MICAL3: variants seen among roughly 807,000 people sequenced by gnomAD.
MICAL3 encodes microtubule associated monooxygenase, calponin and LIM domain containing 3.
A neutral mutation model predicts 207.4 loss-of-function variants in MICAL3; 62 were observed. That is an observed-to-expected ratio of 0.30 (90% CI 0.24 to 0.37). The LOEUF (loss-of-function observed/expected upper bound fraction) is 0.37. MICAL3 is among the 10% of genes least tolerant of loss of function. The pLI, the probability that MICAL3 is intolerant of heterozygous loss-of-function variation, is 1.00. For missense variants in MICAL3, 2,368 were observed against 2,635.6 expected (o/e 0.90, Z 2.22); for synonymous variants, 1,077 against 1,069.3 (o/e 1.01, Z -0.14).
intron 19 of MICAL3, chr22:17,863,794 C>T: frequency 1.0e-6 from 1 of 985,482 alleles, no homozygotes; most frequent in South Asian, 4.7e-5. Flanking sequence ...CTGGGAACCT[C>T]TCGTTGAAGG....
intron 1 of MICAL3, among the ~76,000 whole-genome samples, chr22:17,969,325 C>A (rs8138431): frequency 0.063 from 9,530 of 152,320 alleles, 451 homozygotes; most frequent in African/African-American, 0.13. Flanking sequence ...AGGCATGAGC[C>A]ACTGCACCCG....
chr22:17,818,371 C>T lies in MICAL3; in HGVS notation c.4290G>A (p.Leu1430=), dbSNP rs188865561. 389 of 1,604,414 alleles carry T rather than the reference C, an allele frequency of 2.4e-4. No individual in the cohort carries two copies. In the African/African-American group the frequency reaches 4.7e-3, roughly 20 times the overall value. ...RELSSSSGLG[L]HGSSSNMKTL... ...TCTTCATGTTGGAGGAGCTCCCGTG[C>T]AGGCCCAGGCCAGAGCTGCTGGACA... Residue 1430 remains leucine, a synonymous_variant, in exon 26 of 32, where the codon CTG becomes CTA. Coordinates refer to ENST00000441493, the MANE Select transcript of MICAL3 (RefSeq NM_015241.3).
rs2061800906 is a variant in MICAL3 at position 17,788,068 on chromosome 22, C to G, written c.*2664G>C. On this transcript the variant is annotated 3_prime_UTR_variant, in exon 32 of 32. Transcript: ENST00000441493. ...CCTGCCTTCAAGGGAAGACTTAACT[C>G]TCCGAGAGAAAACCTGCCTGGAGCT... 1 of 152,396 alleles carries G rather than the reference C, an allele frequency of 6.6e-6. No homozygotes were observed. Among genetic ancestry groups the G allele is most frequent in the Admixed American group, 6.5e-5 (1 of 15,312 alleles). 9.4% of individuals were successfully genotyped at this position (152,396 alleles called of 1,614,324 possible).
intron 17 of MICAL3, among the ~76,000 whole-genome samples, chr22:17,866,798 A>T (rs1420861963): frequency 6.6e-6 from 1 of 152,218 alleles, no homozygotes; most frequent in Non-Finnish European, 1.5e-5. Context: ...TCGTCAGAAA[A>T]ATCTGAACAC....
intron 3 of MICAL3, 67 bp downstream of exon 3, chr22:17,904,561 CCTGT>C (rs1438974691): frequency 2.6e-6 from 3 of 1,164,082 alleles, no homozygotes; most frequent in Non-Finnish European, 3.9e-6. Flanking sequence ...AGCTAATCTG[CCTGT>C]CTCTTTCTAC....
chr22:17,800,720 A>G (rs775817765), intron 29 of MICAL3, among the ~76,000 whole-genome samples: 9 of 152,084 alleles, frequency 5.9e-5, no homozygotes, highest in Non-Finnish European at 1.2e-4. Context: ...GTGCTATGGC[A>G]CAGAAATGGG....
At chr22:17,953,597 A>G (rs1934454873) in intron 1 of MICAL3, among the ~76,000 whole-genome samples, 1 of 152,132 alleles carries the variant, frequency 6.6e-6, no homozygotes, top group Non-Finnish European at 1.5e-5. Context: ...CAATACCCCA[A>G]GGTCCAACAG....
At chr22:17,919,785 C>A (rs540383490) in intron 1 of MICAL3, among the ~76,000 whole-genome samples, 1 of 152,354 alleles carries the variant, frequency 6.6e-6, no homozygotes, top group East Asian at 1.9e-4. Flanking sequence ...AGGACCTGTT[C>A]TTGCCATCAG....
intron 12 of MICAL3, among the ~76,000 whole-genome samples, chr22:17,890,014 C>G (rs1351189186): frequency 6.6e-6 from 1 of 152,166 alleles, no homozygotes; most frequent in Non-Finnish European, 1.5e-5. Flanking sequence ...TCTTAGCCTT[C>G]TCCTGGAGGG....
chr22:17,928,438 CAAAA>C (rs371390135), intron 1 of MICAL3, among the ~76,000 whole-genome samples: 11 of 144,606 alleles, frequency 7.6e-5, no homozygotes, highest in African/African-American at 2.9e-4. Flanking sequence ...GACTCCGTCT[CAAAA>C]AAAAAGAAAG....
At chr22:17,857,171 G>A (rs1207053770) in intron 19 of MICAL3, among the ~76,000 whole-genome samples, 2 of 151,944 alleles carry the variant, frequency 1.3e-5, no homozygotes, top group Non-Finnish European at 2.9e-5. Flanking sequence ...CTGTGGCCCG[G>A]GCTGGGTCAT....
chr22:17,819,108 G>A lies in MICAL3; in HGVS notation c.3553C>T (p.Pro1185Ser). 2 of 1,499,724 alleles carry A rather than the reference G, an allele frequency of 1.3e-6. No homozygotes were observed. Among genetic ancestry groups the A allele is most frequent in the Non-Finnish European group, 1.8e-6 (2 of 1,121,176 alleles). 92.9% of individuals were successfully genotyped at this position (1,499,724 alleles called of 1,614,324 possible). A position where few individuals can be genotyped will look rare whatever the true frequency, so the allele number is the denominator to read the frequency against. ...GGTGATTTCTCCTGGGTGGCGGCAG[G>A]GACAGGTGGGAGTTGGGGCCCCTAC... ...STEGPQLPPV[P>S]AATQEKSPEE... Residue 1185 changes from proline (P) to serine (S), a missense_variant, in exon 26 of 32, where the codon CCT becomes TCT. This residue lies in a region of MICAL3 where 1,770 missense variants were observed against 1,863.2 expected (regional missense o/e 0.95). Coordinates refer to ENST00000441493, the MANE Select transcript of MICAL3 (RefSeq NM_015241.3).
At chr22:17,877,118 G>A (rs879369111) in intron 16 of MICAL3, among the ~76,000 whole-genome samples, 15 of 134,918 alleles carry the variant, frequency 1.1e-4, no homozygotes, top group South Asian at 2.3e-4. Flanking sequence ...TGGAGGTTAG[G>A]GAGGTTATGG....
intron 19 of MICAL3, 71 bp from the exon 20 acceptor site, chr22:17,842,088 C>A: frequency 2.7e-6 from 4 of 1,456,260 alleles, no homozygotes; most frequent in Non-Finnish European, 3.7e-6. Flanking sequence ...GGGGCTGACA[C>A]CCAGGCTGCA....
In MICAL3 at chr22:17,899,439, G is replaced by A. The variant is rs372748590; in HGVS notation, c.948+9C>T. 63 of 1,561,860 alleles carry A rather than the reference G, an allele frequency of 4.0e-5. No individual in the cohort carries two copies. The African/African-American group carries it at 4.7e-4, about 12-fold the overall frequency. ...TAAGAAAGAGTTTTGAAGGAAATCCGTGGCTCACATGTAGTATCACTCCTT... is the reference window on the plus strand; with the variant it reads ...TAAGAAAGAGTTTTGAAGGAAATCCATGGCTCACATGTAGTATCACTCCTT... On this transcript the variant is annotated intron_variant, in intron 7 of 31. Coordinates refer to ENST00000441493, the MANE Select transcript of MICAL3 (RefSeq NM_015241.3).
intron 1 of MICAL3, among the ~76,000 whole-genome samples, chr22:17,911,425 A>G (rs545984769): frequency 6.6e-5 from 10 of 152,222 alleles, no homozygotes; most frequent in South Asian, 4.1e-4. Context: ...TAGCCAATGC[A>G]CCATGAACAC....
chr22:17,903,927 G>A (rs556672558), intron 3 of MICAL3, among the ~76,000 whole-genome samples: 6 of 152,284 alleles, frequency 3.9e-5, no homozygotes, highest in Non-Finnish European at 7.4e-5. Flanking sequence ...GTTTCATAAC[G>A]CACACTGTCT....
chr22:17,843,960 C>T (rs112939326), intron 19 of MICAL3, among the ~76,000 whole-genome samples: 5,299 of 152,280 alleles, frequency 0.035, 157 homozygotes, highest in African/African-American at 0.072. Context: ...CATTCTCCTG[C>T]CTCAGCCTCC....
chr22:17,791,335 G>C, intron 29 of MICAL3, 34 bp from the exon 30 acceptor site: 2 of 1,559,012 alleles, frequency 1.3e-6, no homozygotes, highest in Middle Eastern at 1.7e-4. Context: ...GGTGCAGGGA[G>C]TGCCGCGCCC....
Sources: gnomAD v4.1 joint callset for allele counts (sites outside exome capture counted in the v4.1 genomes callset) on GRCh38, gnomAD v4.1.1 for gene constraint, gnomAD v4.1.1 regional missense constraint, MANE v1.5 for transcripts, NCBI Gene and HGNC (gene_info 2026-07-23, HGNC 2026-07-21) for gene names.